Variants in CIDEA observed in about 807,000 individuals in gnomAD.
CIDEA encodes lipid transferase CIDEA.
CIDEA carries 10 observed loss-of-function variants against 18.2 expected under a neutral mutation model. The observed-to-expected ratio is 0.55, with a 90% CI of 0.34 to 0.93. The LOEUF (loss-of-function observed/expected upper bound fraction) is 0.93, where lower values mean the gene tolerates loss of function less well. Among genes scored for constraint, CIDEA ranks in the 40% least tolerant of loss-of-function variants. The pLI, the probability that CIDEA is intolerant of heterozygous loss-of-function variation, is 0.02. For synonymous variants in CIDEA, 128 were observed against 124.8 expected, an observed-to-expected ratio of 1.03 and a Z score of -0.17; for missense variants, 309 against 293.1, an observed-to-expected ratio of 1.05 and a Z score of -0.40.
At chr18:12,274,608 C>T (rs999185506) in intron 4 of CIDEA, among the ~76,000 whole-genome samples, 14 of 152,184 alleles carry the variant, frequency 9.2e-5, no homozygotes, top group African/African-American at 3.4e-4. Flanking sequence ...CCATGGAGGT[C>T]GTGGCCGGGT....
chr18:12,271,683 C>T (rs1912536238), intron 3 of CIDEA, among the ~76,000 whole-genome samples: 1 of 152,002 alleles, frequency 6.6e-6, no homozygotes, highest in South Asian at 2.1e-4. Flanking sequence ...GGTGTAGATG[C>T]CACCGCCGGC....
At chr18:12,276,134 C>T (rs1362200093) in intron 4 of CIDEA, among the ~76,000 whole-genome samples, 7 of 151,682 alleles carry the variant, frequency 4.6e-5, no homozygotes, top group Non-Finnish European at 1.0e-4. Flanking sequence ...GCTGAGATTA[C>T]AGGCATGCAC....
At chr18:12,270,172 G>A (rs1202256219) in intron 3 of CIDEA, among the ~76,000 whole-genome samples, 2 of 152,072 alleles carry the variant, frequency 1.3e-5, no homozygotes, top group Non-Finnish European at 2.9e-5. Context: ...AGGGGAAAAC[G>A]CATGGCATAA....
At chr18:12,273,234 C>T (rs1176323421) in intron 3 of CIDEA, among the ~76,000 whole-genome samples, 2 of 152,196 alleles carry the variant, frequency 1.3e-5, no homozygotes, top group African/African-American at 4.8e-5. Flanking sequence ...AGGTCACTGT[C>T]ATTGGTGAAT....
chr18:12,254,723 A>C, intron 1 of CIDEA: 1 of 1,471,778 alleles, frequency 6.8e-7, no homozygotes. Flanking sequence ...ACCAGGTGAC[A>C]GCTGGCGAGT....
rs1353706388 is a variant in CIDEA, at chr18:12,277,110, G to C, written c.513-13G>C. 1.9e-6 allele frequency: 3 copies of C among 1,613,454 alleles called. No homozygotes were observed. Among genetic ancestry groups the C allele is most frequent in the Non-Finnish European group, 2.5e-6 (3 of 1,179,568 alleles). ...ATCCCAAGCTAAAGCCTCCCCATCT[G>C]CCTCTGCCACAGGAGTCTGCTGCGG... On this transcript the variant is annotated splice_polypyrimidine_tract_variant and intron_variant, in intron 4 of 4. Transcript: ENST00000320477.
intron 1 of CIDEA, among the ~76,000 whole-genome samples, chr18:12,258,298 C>A (rs1172232399): frequency 6.6e-6 from 1 of 152,218 alleles, no homozygotes; most frequent in East Asian, 1.9e-4. Context: ...ATCATCTGGG[C>A]CAGGTCACCG....
chr18:12,261,778 A>AC (rs1205555653), intron 1 of CIDEA, among the ~76,000 whole-genome samples: 5 of 151,782 alleles, frequency 3.3e-5, no homozygotes, highest in Non-Finnish European at 5.9e-5. Context: ...ACAGGGTCTC[A>AC]CTATGTTGCC....
At chr18:12,263,655 G>A (rs1274728129) in intron 2 of CIDEA, 1 of 152,232 alleles carries the variant, frequency 6.6e-6, no homozygotes, top group Non-Finnish European at 1.5e-5. Flanking sequence ...GTAAAGGCCA[G>A]GATCTAGAAC....
chr18:12,259,327 G>A (rs532135590), intron 1 of CIDEA, among the ~76,000 whole-genome samples: 1 of 152,328 alleles, frequency 6.6e-6, no homozygotes, highest in South Asian at 2.1e-4. Flanking sequence ...CAGCTTTTCC[G>A]CACAGCCCTC....
chr18:12,269,678 T>G (rs1220343416), intron 3 of CIDEA, among the ~76,000 whole-genome samples: 1 of 152,194 alleles, frequency 6.6e-6, no homozygotes, highest in Non-Finnish European at 1.5e-5. Flanking sequence ...TGCATCTTAC[T>G]GTTTATTATG....
intron 3 of CIDEA, among the ~76,000 whole-genome samples, chr18:12,264,696 G>C (rs1209765647): frequency 1.3e-5 from 2 of 152,232 alleles, no homozygotes; most frequent in East Asian, 3.9e-4. Flanking sequence ...TGGGACTACA[G>C]GCACCCGCCA....
intron 4 of CIDEA, among the ~76,000 whole-genome samples, chr18:12,274,560 G>T (rs758082749): frequency 6.6e-6 from 1 of 152,192 alleles, no homozygotes; most frequent in Admixed American, 6.5e-5. Flanking sequence ...TTAAGAACTA[G>T]AGCACTTAAT....
chr18:12,270,188 T>C (rs1027260937), intron 3 of CIDEA, among the ~76,000 whole-genome samples: 14 of 152,234 alleles, frequency 9.2e-5, no homozygotes, highest in African/African-American at 3.4e-4. Flanking sequence ...CATAAAAACC[T>C]CTTGAGAGGA....
rs1598783222 is a variant in CIDEA at position 12,274,264 on chromosome 18, G to A, written c.502G>A (p.Gly168Ser). The A allele has an allele frequency of 3.7e-6, 6 of 1,613,978 alleles. No individual in the cohort carries two copies. The Admixed American group carries it at 5.0e-5, about 13-fold the overall frequency. ...SYDIRCTGLK[G>S]LLRSLLRFLS... Reference sequence around the variant, plus strand: ...CGACATCCGGTGCACGGGACTCAAGGGCCTGCTGAGGTAACACACTCCAGG... The same window carrying A: ...CGACATCCGGTGCACGGGACTCAAGAGCCTGCTGAGGTAACACACTCCAGG... Residue 168 changes from glycine (G) to serine (S), a missense_variant, in exon 4 of 5, where the codon GGC (glycine) becomes AGC (serine). Gly to Ser is a moderately conservative substitution (Grantham distance 56, BLOSUM62 0). Transcript: ENST00000320477.
chr18:12,271,312 C>CAA (rs1293255410), intron 3 of CIDEA, among the ~76,000 whole-genome samples: 2 of 152,270 alleles, frequency 1.3e-5, no homozygotes, highest in Non-Finnish European at 2.9e-5. Context: ...GAAGTCTTCA[C>CAA]AAGGGTCCTT....
chr18:12,254,612 G>A (rs1164390365), intron 1 of CIDEA, 191 bp downstream of exon 1: 3 of 1,438,156 alleles, frequency 2.1e-6, no homozygotes, highest in Non-Finnish European at 2.8e-6. Context: ...GTCCAGCCGC[G>A]CCCGCGGGCA....
At position 12,264,349 on chromosome 18, in the gene CIDEA, G is replaced by C; in HGVS notation, c.226G>C (p.Val76Leu). Residue 76 changes from valine to leucine, a missense_variant, in exon 3 of 5, where the codon GTG becomes CTG. Transcript: ENST00000320477. ...CATCGCTACCGGACTGGTCACTCTG[G>C]TGCTGGAGGAAGATGGCACCGTGGT... ...LVIATGLVTL[V>L]LEEDGTVVDT... 3 of 1,614,098 alleles carry C rather than the reference G, an allele frequency of 1.9e-6. No homozygotes were observed. The highest frequency in any genetic ancestry group is 2.5e-6 in the Non-Finnish European group (3 of 1,179,986).
At chr18:12,262,611 T>C (rs1912223524) in intron 1 of CIDEA, among the ~76,000 whole-genome samples, 1 of 152,204 alleles carries the variant, frequency 6.6e-6, no homozygotes, top group South Asian at 2.1e-4. Context: ...TCTAGTAAAA[T>C]AGGAATAAAG....
Sources: allele counts gnomAD v4.1 joint callset (sites outside exome capture counted in the v4.1 genomes callset), GRCh38; gene constraint gnomAD v4.1.1; transcripts MANE v1.5; gene names NCBI Gene and HGNC (gene_info 2026-07-23, HGNC 2026-07-21).